The following KCNK12 variants were observed in gnomAD, a reference collection of about 807,000 sequenced individuals.
The protein encoded by KCNK12 is potassium two pore domain channel subfamily K member 12.
In KCNK12, 6 loss-of-function variants were observed where a neutral mutation model predicts 25.3. That is an observed-to-expected ratio of 0.24 (90% confidence interval 0.13 to 0.47). KCNK12 has a LOEUF of 0.47. Among genes scored for constraint, KCNK12 ranks in the 20% least tolerant of loss-of-function variants. The pLI is 0.99. For synonymous variants in KCNK12, 331 were observed against 311.1 expected (o/e 1.06, Z -0.67); for missense variants, 444 against 661.7 (o/e 0.67, Z 3.61).
intron 1 of KCNK12, among the ~76,000 whole-genome samples, chr2:47,554,925 T>C (rs936185640): frequency 1.3e-5 from 2 of 152,094 alleles, no homozygotes; most frequent in African/African-American, 4.8e-5. Flanking sequence ...ATGAATTGGA[T>C]ATGAAAGTTT....
intron 1 of KCNK12, among the ~76,000 whole-genome samples, chr2:47,530,517 C>T (rs560428759): frequency 6.6e-6 from 1 of 152,204 alleles, no homozygotes; most frequent in Non-Finnish European, 1.5e-5. Context: ...ACTGAAAATG[C>T]GGAGGGTATA....
Position 47,509,584 on chromosome 2 carries a change from C to T in KCNK12, c.*11323G>A, listed in dbSNP as rs556375532. Among the ~76,000 whole-genome samples, 10 of 152,300 alleles carry T rather than the reference C, an allele frequency of 6.6e-5. No homozygotes were observed. The highest frequency in any genetic ancestry group is 6.2e-4 in the South Asian group (3 of 4,822). On this transcript the variant is annotated 3_prime_UTR_variant, in exon 2 of 2. Transcript: ENST00000327876. ...TCTCCTTAGCACATAAGACCCTGTC[C>T]GAGGACTGTGGCATGACGTGCTGGA...
rs900358808 is a variant in KCNK12 at position 47,528,485 on chromosome 2, G to T, written c.392-6677C>A. Reference sequence around the variant, plus strand: ...GCCAGTTGCCTCCCAGAGTAGAGAAGCAGTCTCCCAAGCTCTTGCAATTTG... The same window carrying T: ...GCCAGTTGCCTCCCAGAGTAGAGAATCAGTCTCCCAAGCTCTTGCAATTTG... On this transcript the variant is annotated intron_variant, in intron 1 of 1. Transcript: ENST00000327876. The surrounding 1 kb of genome is among the most constrained non-coding windows in gnomAD (Gnocchi z 4.5). 2.6e-5 allele frequency: 4 copies of T among 152,250 alleles called. No homozygotes were observed. Among genetic ancestry groups the T allele is most frequent in the African/African-American group, 9.6e-5 (4 of 41,462 alleles). The allele number at this position is 152,250 out of a possible 1,614,324, so 9.4% of individuals were successfully genotyped here.
Position 47,516,709 on chromosome 2 carries a change from T to A in KCNK12, c.*4198A>T, listed in dbSNP as rs1308293499. 1 of 152,162 alleles carries A rather than the reference T, an allele frequency of 6.6e-6. No individual in the cohort carries two copies. Among genetic ancestry groups the A allele is most frequent in the Non-Finnish European group, 1.5e-5 (1 of 68,036 alleles). The allele number at this position is 152,162 out of a possible 1,614,324, so 9.4% of individuals were successfully genotyped here. On this transcript the variant is annotated 3_prime_UTR_variant, in exon 2 of 2. Transcript: ENST00000327876. ...TGTCCCGCATGCTCTAGCCCCCTCC[T>A]GAGAGAACAGATAGCATAAAAAATG...
chr2:47,563,392 TAAGA>T (rs1249243357), intron 1 of KCNK12: 1 of 233,386 alleles, frequency 4.3e-6, no homozygotes, highest in African/African-American at 2.2e-5. Context: ...ATTATGTGTG[TAAGA>T]AAGGGTGTGG....
rs1349755663 is a variant in KCNK12 at position 47,516,176 on chromosome 2, G to C, written c.*4731C>G. Reference sequence around the variant, plus strand: ...TACACCACCATAATGTGAGTGTTCTGTGTTTACAGGGTGTATTCAAGTCCA... The same window carrying C: ...TACACCACCATAATGTGAGTGTTCTCTGTTTACAGGGTGTATTCAAGTCCA... On this transcript the variant is annotated 3_prime_UTR_variant, in exon 2 of 2. Transcript: ENST00000327876. Among the ~76,000 whole-genome samples the C allele has an allele frequency of 6.6e-6, 1 of 152,202 alleles. No homozygotes were observed. The highest frequency in any genetic ancestry group is 1.5e-5 in the Non-Finnish European group (1 of 68,026).
At chr2:47,567,771 C>G (rs1347984257) in intron 1 of KCNK12, among the ~76,000 whole-genome samples, 3 of 152,206 alleles carry the variant, frequency 2.0e-5, no homozygotes, top group African/African-American at 7.2e-5. Flanking sequence ...CAGTGTAGCC[C>G]TCCTACATTG....
In KCNK12 at chr2:47,551,244, C is replaced by T. The variant is rs1336163147; in HGVS notation, c.391+18697G>A. The stretch of plus-strand genomic sequence containing the variant: ...AACCCTGCAAGCTCCTCCTAAGGGA[C>T]CCTGGCACTGGCTGGAGCCCTCTTC... On this transcript the variant is annotated intron_variant, in intron 1 of 1. Transcript: ENST00000327876. The surrounding 1 kb of genome is among the most constrained non-coding windows in gnomAD (Gnocchi z 5.3). 6.6e-6 allele frequency among the ~76,000 whole-genome samples: 1 copy of T among 152,138 alleles called. No homozygotes were observed. The highest frequency in any genetic ancestry group is 1.9e-4 in the East Asian group (1 of 5,180).
chr2:47,522,954 A>G (rs1668691751), intron 1 of KCNK12, among the ~76,000 whole-genome samples: 1 of 152,106 alleles, frequency 6.6e-6, no homozygotes, highest in Non-Finnish European at 1.5e-5. Context: ...AAAAAAAATC[A>G]GTTTACCAAC....
Position 47,539,802 on chromosome 2 carries a change from C to T in KCNK12, c.392-17994G>A, listed in dbSNP as rs183779719. On this transcript the variant is annotated intron_variant, in intron 1 of 1. Transcript: ENST00000327876. ...GGTGGCTGCTGTTAAAGCCGCTTCC[C>T]GGGGAGGCCAAGGACATCCACAGCT... 2.4e-4 allele frequency among the ~76,000 whole-genome samples: 36 copies of T among 152,218 alleles called. No individual in the cohort carries two copies. In the East Asian group the frequency reaches 6.8e-3, roughly 29 times the overall value.
rs958002620 is a variant in KCNK12 at position 47,557,953 on chromosome 2, G to A, written c.391+11988C>T. Among the ~76,000 whole-genome samples, 9 of 152,180 alleles carry A rather than the reference G, an allele frequency of 5.9e-5. No individual in the cohort carries two copies. The highest frequency in any genetic ancestry group is 2.2e-4 in the African/African-American group (9 of 41,428). ...TACATCTCTCTTTAAATATAATGGG[G>A]TATGTTGCTGCTTACAGGAGCTTTG... On this transcript the variant is annotated intron_variant, in intron 1 of 1. Transcript: ENST00000327876. This position sits in a 1 kb window ranked among gnomAD's most constrained non-coding sequence, Gnocchi z 4.9.
rs1364856187 is a variant in KCNK12, at chr2:47,525,692, G to A, written c.392-3884C>T. Among the ~76,000 whole-genome samples the A allele has an allele frequency of 2.0e-5, 3 of 152,124 alleles. No homozygotes were observed. Among genetic ancestry groups the A allele is most frequent in the Non-Finnish European group, 4.4e-5 (3 of 67,980 alleles). ...TCAAGAGGGCTGCCTGCTGGAGCAA[G>A]GGGGCCCTAGGAAGAAGAGGCTGAG... On this transcript the variant is annotated intron_variant, in intron 1 of 1. Coordinates refer to ENST00000327876, the MANE Select transcript of KCNK12 (RefSeq NM_022055.2). The surrounding 1 kb of genome is among the most constrained non-coding windows in gnomAD (Gnocchi z 4.1).
At chr2:47,552,286 G>T (rs1241566761) in intron 1 of KCNK12, among the ~76,000 whole-genome samples, 1 of 152,130 alleles carries the variant, frequency 6.6e-6, no homozygotes, top group Admixed American at 6.5e-5. Context: ...CAGGGCACAG[G>T]GGGCTGCCCT....
intron 1 of KCNK12, among the ~76,000 whole-genome samples, chr2:47,542,684 C>T (rs1408546711): frequency 6.6e-6 from 1 of 152,106 alleles, no homozygotes. Flanking sequence ...CACACTGTGA[C>T]CCTTAAGGTC....
At chr2:47,527,122 C>T (rs998341907) in intron 1 of KCNK12, among the ~76,000 whole-genome samples, 3 of 152,196 alleles carry the variant, frequency 2.0e-5, no homozygotes, top group African/African-American at 7.2e-5. Context: ...CTCTTTCCAC[C>T]ACATTAGACT....
At chr2:47,563,385 ATGTG>A in intron 1 of KCNK12, 1 of 233,460 alleles carries the variant, frequency 4.3e-6, no homozygotes. Context: ...TGTGAGAATT[ATGTG>A]TGTAAGAAAG....
rs761163205 is a variant in KCNK12 at position 47,566,194 on chromosome 2, C to T, written c.391+3747G>A. On this transcript the variant is annotated intron_variant, in intron 1 of 1. Coordinates refer to ENST00000327876, the MANE Select transcript of KCNK12 (RefSeq NM_022055.2). The surrounding 1 kb of genome is among the most constrained non-coding windows in gnomAD (Gnocchi z 4.1). ...ACTGGTACCGCACTGTGTAGACACA[C>T]GTGTATCTACACGATTGCAAACTGC... 6.6e-6 allele frequency: 1 copy of T among 152,188 alleles called. No individual in the cohort carries two copies. The highest frequency in any genetic ancestry group is 2.4e-5 in the African/African-American group (1 of 41,446). 9.4% of individuals were successfully genotyped at this position (152,188 alleles called of 1,614,324 possible). A position where few individuals can be genotyped will look rare whatever the true frequency, so the allele number is the denominator to read the frequency against.
chr2:47,546,988 T>C (rs1229588935), intron 1 of KCNK12, among the ~76,000 whole-genome samples: 1 of 152,058 alleles, frequency 6.6e-6, no homozygotes, highest in East Asian at 1.9e-4. Context: ...AAAGGCCATA[T>C]AGATAATGGG....
rs1669894103 is a variant in KCNK12 at position 47,570,761 on chromosome 2, A to T, written c.-430T>A. The stretch of plus-strand genomic sequence containing the variant: ...GGGCCGTGGATCCCGGGCGCCTAGG[A>T]CCGGGACGCGGCAGCAAGGCGTGGA... On this transcript the variant is annotated 5_prime_UTR_variant, in exon 1 of 2. Coordinates refer to ENST00000327876, the MANE Select transcript of KCNK12 (RefSeq NM_022055.2). The T allele has an allele frequency of 6.6e-6, 1 of 151,964 alleles. No homozygotes were observed. Among genetic ancestry groups the T allele is most frequent in the South Asian group, 2.1e-4 (1 of 4,820 alleles). 9.4% of individuals were successfully genotyped at this position (151,964 alleles called of 1,614,324 possible).
Sources: allele counts gnomAD v4.1 joint callset (sites outside exome capture counted in the v4.1 genomes callset), GRCh38; gene constraint gnomAD v4.1.1; non-coding constraint Gnocchi (gnomAD v3.1); transcripts MANE v1.5; gene names NCBI Gene and HGNC (gene_info 2026-07-23, HGNC 2026-07-21).